NSD3: variants seen among roughly 807,000 people sequenced by gnomAD.
The protein encoded by NSD3 is nuclear receptor binding SET domain protein 3.
Under a neutral mutation model 160.8 loss-of-function variants are expected in NSD3, and 24 were observed. The ratio of observed to expected loss-of-function variants is 0.15; its 90% CI spans 0.11 to 0.21. The LOEUF (loss-of-function observed/expected upper bound fraction) is 0.21, where lower values mean the gene tolerates loss of function less well. NSD3 is among the 10% of genes least tolerant of loss of function. The pLI, the probability that NSD3 is intolerant of heterozygous loss-of-function variation, is 1.00. For missense variants in NSD3, 1,157 were observed against 1,735.9 expected, an observed-to-expected ratio of 0.67 and a Z score of 5.93; for synonymous variants, 520 against 600.0, an observed-to-expected ratio of 0.87 and a Z score of 1.95.
chr8:38,334,272 G>A lies in NSD3; in HGVS notation c.911-2687C>T, dbSNP rs1292717385. On this transcript the variant is annotated intron_variant, in intron 4 of 23. Transcript: ENST00000317025. ...AAAAACATTATGGTAAGTGAATGAA[G>A]CCAGATGAATAGGTAAGTCTACAGA... is the stretch of plus-strand genomic sequence containing the variant. 1.4e-4 allele frequency among the ~76,000 whole-genome samples: 21 copies of A among 152,194 alleles called. 1 individual carries two copies. The highest frequency in any genetic ancestry group is 1.4e-3 in the Admixed American group (21 of 15,284).
intron 2 of NSD3, among the ~76,000 whole-genome samples, chr8:38,344,701 C>T: frequency 6.6e-6 from 1 of 152,104 alleles, no homozygotes; most frequent in East Asian, 1.9e-4. Flanking sequence ...AAAGCAAATC[C>T]AGCTCCAGGA....
At chr8:38,375,366 T>C (rs1585937150) in intron 1 of NSD3, among the ~76,000 whole-genome samples, 1 of 152,176 alleles carries the variant, frequency 6.6e-6, no homozygotes, top group East Asian at 1.9e-4. Flanking sequence ...AAAGAGCTTT[T>C]TCAAATTCAA....
rs141358884 is a variant in NSD3, at chr8:38,374,643, G to A, written c.-45+7156C>T. Reference sequence around the variant, plus strand: ...CGGAAATCTGAAAATTTTATTCTCCGTAACATGACAGTCTATTTGGCCTGA... The same window carrying A: ...CGGAAATCTGAAAATTTTATTCTCCATAACATGACAGTCTATTTGGCCTGA... On this transcript the variant is annotated intron_variant, in intron 1 of 23. Transcript: ENST00000317025. 2.9e-3 allele frequency among the ~76,000 whole-genome samples: 442 copies of A among 152,222 alleles called. 2 individuals carry two copies. The highest frequency in any genetic ancestry group is 0.01 in the African/African-American group (421 of 41,540).
At chr8:38,315,631 C>A in intron 10 of NSD3, 87 bp from the exon 11 acceptor site, 1 of 1,545,302 alleles carries the variant, frequency 6.5e-7, no homozygotes, top group East Asian at 2.3e-5. Flanking sequence ...GTAAGACTTG[C>A]TCAAACATTA....
intron 4 of NSD3, among the ~76,000 whole-genome samples, chr8:38,331,916 A>G (rs1269704556): frequency 6.6e-6 from 1 of 152,260 alleles, no homozygotes; most frequent in Non-Finnish European, 1.5e-5. Flanking sequence ...AATATAATTA[A>G]TGATAGCATG....
chr8:38,286,422 C>T (rs1443729414), intron 19 of NSD3, among the ~76,000 whole-genome samples: 1 of 152,138 alleles, frequency 6.6e-6, no homozygotes, highest in Non-Finnish European at 1.5e-5. Flanking sequence ...CTAGTCAAGC[C>T]ACAGAGGAGA....
chr8:38,278,178 T>A (rs1563339967), intron 22 of NSD3, 128 bp downstream of exon 22: 2 of 623,046 alleles, frequency 3.2e-6, no homozygotes, highest in Non-Finnish European at 5.4e-6. Context: ...GACCTCGTGA[T>A]CTGCCCGCCT....
intron 2 of NSD3, among the ~76,000 whole-genome samples, chr8:38,339,738 A>G (rs1026587461): frequency 2.6e-5 from 4 of 151,776 alleles, no homozygotes; most frequent in African/African-American, 9.7e-5. Flanking sequence ...AAAAAAAAAA[A>G]GGAAAGAAAG....
At chr8:38,344,757 T>G (rs573527263) in intron 2 of NSD3, among the ~76,000 whole-genome samples, 105 of 152,328 alleles carry the variant, frequency 6.9e-4, no homozygotes, top group Non-Finnish European at 1.2e-3. Context: ...TTTCATTATG[T>G]TTCCCTGAGG....
chr8:38,316,818 T>A lies in NSD3; in HGVS notation c.1856-776A>T. 3.8e-6 allele frequency: 4 copies of A among 1,061,376 alleles called. No individual in the cohort carries two copies. The highest frequency in any genetic ancestry group is 4.6e-6 in the Non-Finnish European group (4 of 876,652). The allele number at this position is 1,061,376 out of a possible 1,614,324, so 65.7% of individuals were successfully genotyped here. On this transcript the variant is annotated intron_variant, in intron 9 of 23. Coordinates refer to ENST00000317025, the MANE Select transcript of NSD3 (RefSeq NM_023034.2). The surrounding 1 kb of genome is among the most constrained non-coding windows in gnomAD (Gnocchi z 4.5). The stretch of plus-strand genomic sequence containing the variant: ...GAGAATAGTGTGGAATTGTTTTTTT[T>A]AAAACTGTGTGTAATACAAATCCAG...
chr8:38,288,710 G>A lies in NSD3; in HGVS notation c.3278C>T (p.Ser1093Leu), dbSNP rs1808922236. 1 of 1,614,072 alleles carries A rather than the reference G, an allele frequency of 6.2e-7. No homozygotes were observed. Among genetic ancestry groups the A allele is most frequent in the Non-Finnish European group, 8.5e-7 (1 of 1,180,056 alleles). ...GKVQIQVADLSEIPRCNCKPA... is the reference protein window; with the variant it reads ...GKVQIQVADLLEIPRCNCKPA... ...CTTGCAGTTACAGCGGGGAATCTCTGACAGGTCAGCAACCTGGATCTGCAC... is the reference window on the plus strand; with the variant it reads ...CTTGCAGTTACAGCGGGGAATCTCTAACAGGTCAGCAACCTGGATCTGCAC... The change falls in exon 19 of 24, where the codon TCA becomes TTA. Residue 1093 changes from serine to leucine, a missense_variant. By Grantham distance (145) the Ser-to-Leu change is moderately radical. Coordinates refer to ENST00000317025, the MANE Select transcript of NSD3 (RefSeq NM_023034.2). The surrounding 1 kb of genome is among the most constrained non-coding windows in gnomAD (Gnocchi z 4.5).
Position 38,343,026 on chromosome 8 carries a change from T to C in NSD3, c.676-4419A>G, listed in dbSNP as rs543929353. Among the ~76,000 whole-genome samples, 28 of 151,706 alleles carry C rather than the reference T, an allele frequency of 1.8e-4. No individual in the cohort carries two copies. The South Asian group carries it at 4.0e-3, about 21-fold the overall frequency. ...GGCCAACATGGCGAAACCCCGTCTC[T>C]ACTAAAAATACACAAAAAAATTAGC... is the stretch of plus-strand genomic sequence containing the variant. On this transcript the variant is annotated intron_variant, in intron 2 of 23. Coordinates refer to ENST00000317025, the MANE Select transcript of NSD3 (RefSeq NM_023034.2).
At chr8:38,281,682 G>A in intron 19 of NSD3, 99 bp from the exon 20 acceptor site, 3 of 625,678 alleles carry the variant, frequency 4.8e-6, no homozygotes, top group South Asian at 3.6e-5. Flanking sequence ...AGAGAACCCT[G>A]AAAATATAAC....
rs1809678466 is a variant in NSD3 at position 38,316,833 on chromosome 8, T to C, written c.1856-791A>G. The C allele has an allele frequency of 1.9e-6, 2 of 1,061,826 alleles. No individual in the cohort carries two copies. Among genetic ancestry groups the C allele is most frequent in the South Asian group, 9.1e-5 (2 of 21,928 alleles). The allele number at this position is 1,061,826 out of a possible 1,614,324, so 65.8% of individuals were successfully genotyped here. ...TTGTTTTTTTTAAAACTGTGTGTAA[T>C]ACAAATCCAGCCAAAACAATAGTGC... is the stretch of plus-strand genomic sequence containing the variant. On this transcript the variant is annotated intron_variant, in intron 9 of 23. Transcript: ENST00000317025. The surrounding 1 kb of genome is among the most constrained non-coding windows in gnomAD (Gnocchi z 4.5).
At chr8:38,336,941 A>G in intron 4 of NSD3, among the ~76,000 whole-genome samples, 1 of 152,190 alleles carries the variant, frequency 6.6e-6, no homozygotes, top group East Asian at 1.9e-4. Flanking sequence ...CGAGAGTTCA[A>G]GACCATCCTG....
chr8:38,292,080 T>A (rs1809008458), intron 16 of NSD3, among the ~76,000 whole-genome samples: 1 of 152,224 alleles, frequency 6.6e-6, no homozygotes, highest in Admixed American at 6.5e-5. Flanking sequence ...TCCATAACTT[T>A]AAAAAAATTG....
chr8:38,278,901 T>G (rs1585849783), intron 21 of NSD3, among the ~76,000 whole-genome samples: 1 of 152,266 alleles, frequency 6.6e-6, no homozygotes, highest in Admixed American at 6.5e-5. Context: ...TCCTAAGCTT[T>G]CTTCTAGCTG....
In NSD3 at chr8:38,288,350, C is replaced by A; in HGVS notation, c.3501+137G>T. 1 of 1,273,220 alleles carries A rather than the reference C, an allele frequency of 7.9e-7. No individual in the cohort carries two copies. The allele number at this position is 1,273,220 out of a possible 1,614,324, so 78.9% of individuals were successfully genotyped here. On this transcript the variant is annotated intron_variant, in intron 19 of 23. Coordinates refer to ENST00000317025, the MANE Select transcript of NSD3 (RefSeq NM_023034.2). The surrounding 1 kb of genome is among the most constrained non-coding windows in gnomAD (Gnocchi z 4.5). ...CTACTCTTCTTTGCTCAAGAAGTAC[C>A]AAACTCTCAACATGGAAAGTTTTAA...
intron 1 of NSD3, among the ~76,000 whole-genome samples, chr8:38,361,782 CAGAA>C (rs1810974041): frequency 1.5e-5 from 2 of 137,292 alleles, no homozygotes; most frequent in African/African-American, 5.4e-5. Flanking sequence ...AAAAAAAAGA[CAGAA>C]AGGGACAAGT....
Sources: allele counts gnomAD v4.1 joint callset (sites outside exome capture counted in the v4.1 genomes callset), GRCh38; gene constraint gnomAD v4.1.1; non-coding constraint Gnocchi (gnomAD v3.1); transcripts MANE v1.5; gene names NCBI Gene and HGNC (gene_info 2026-07-23, HGNC 2026-07-21).